The following SLC26A3 variants were observed in gnomAD, a reference collection of about 807,000 sequenced individuals.
SLC26A3 encodes chloride anion exchanger.
SLC26A3 carries 64 observed loss-of-function variants against 85.6 expected under a neutral mutation model. The observed-to-expected ratio is 0.75, with a 90% CI of 0.61 to 0.92. The LOEUF is 0.92. SLC26A3 is among the 40% of genes least tolerant of loss of function. SLC26A3 has a pLI of 0.00. For missense variants in SLC26A3, 922 were observed against 927.3 expected (o/e 0.99, Z 0.07); for synonymous variants, 349 against 336.0 (o/e 1.04, Z -0.42).
intron 6 of SLC26A3, among the ~76,000 whole-genome samples, chr7:107,788,071 C>A (rs1274917757): frequency 2.0e-5 from 3 of 152,262 alleles, no homozygotes; most frequent in African/African-American, 7.2e-5. Context: ...TATCCACTTA[C>A]CCCAAAAAGC....
At chr7:107,770,851 T>C (rs760646159) in intron 18 of SLC26A3, among the ~76,000 whole-genome samples, 1 of 152,150 alleles carries the variant, frequency 6.6e-6, no homozygotes, top group Non-Finnish European at 1.5e-5. Flanking sequence ...GAAACTGAAC[T>C]GCAAAATTAT....
chr7:107,770,771 A>T (rs905847091), intron 18 of SLC26A3, among the ~76,000 whole-genome samples: 1 of 152,170 alleles, frequency 6.6e-6, no homozygotes, highest in Non-Finnish European at 1.5e-5. Context: ...CCTAGGATCT[A>T]GGGAAGAGAC....
chr7:107,768,506 A>G (rs1205679804), intron 18 of SLC26A3, among the ~76,000 whole-genome samples: 3 of 152,256 alleles, frequency 2.0e-5, no homozygotes, highest in Admixed American at 6.5e-5. Flanking sequence ...GTAATAAGAA[A>G]GATCAAAAGA....
At chr7:107,799,340 T>A (rs1205845378) in intron 1 of SLC26A3, among the ~76,000 whole-genome samples, 1 of 152,188 alleles carries the variant, frequency 6.6e-6, no homozygotes, top group Non-Finnish European at 1.5e-5. Flanking sequence ...ATATCTTAAC[T>A]ATGTTTGCTA....
At position 107,767,819 on chromosome 7, in the gene SLC26A3, A is replaced by G; in HGVS notation, c.2152T>C (p.Leu718=). The change falls in exon 19 of 21, where the codon TTG becomes CTG. Residue 718 remains leucine, a synonymous_variant. Transcript: ENST00000340010. ...TAATCTTTCTTCATCAAAATATGCA[A>G]AACAGCATCATGGATTGTTAAGAAA... ...IFFLTIHDAV[L]HILMKKDYST... is the part of the protein sequence containing the mutation. The G allele has an allele frequency of 6.2e-7, 1 of 1,613,822 alleles. No individual in the cohort carries two copies. Among genetic ancestry groups the G allele is most frequent in the Non-Finnish European group, 8.5e-7 (1 of 1,179,772 alleles).
At chr7:107,793,698 G>T in intron 3 of SLC26A3, 44 bp downstream of exon 3, 1 of 1,443,476 alleles carries the variant, frequency 6.9e-7, no homozygotes, top group Non-Finnish European at 9.5e-7. Context: ...ACATTCAGAG[G>T]AAGAATTTTA....
intron 20 of SLC26A3, 55 bp from the exon 21 acceptor site, chr7:107,765,933 T>G: frequency 4.0e-6 from 6 of 1,484,844 alleles, no homozygotes; most frequent in Non-Finnish European, 5.6e-6. Flanking sequence ...TCTGTTACAA[T>G]AATCACATCT....
intron 1 of SLC26A3, among the ~76,000 whole-genome samples, chr7:107,797,500 T>TAAAGAAAAGA (rs112988460): frequency 0.42 from 63,173 of 150,468 alleles, 13,554 homozygotes; most frequent in African/African-American, 0.46. Flanking sequence ...TCTCAAAAAA[T>TAAAGAAAAGA]AAAGAAAAGA....
intron 11 of SLC26A3, among the ~76,000 whole-genome samples, chr7:107,780,601 AAC>A (rs1794201122): frequency 6.6e-6 from 1 of 152,198 alleles, no homozygotes. Flanking sequence ...ATACCATGAA[AAC>A]ACAGTGTACA....
chr7:107,774,626 C>T lies in SLC26A3; in HGVS notation c.1773+151G>A, dbSNP rs1277240755. On this transcript the variant is annotated intron_variant, in intron 16 of 20. Coordinates refer to ENST00000340010, the MANE Select transcript of SLC26A3 (RefSeq NM_000111.3). Reference sequence around the variant, plus strand: ...AGAATAAAAATTTTAGGGAGACCCTCAGAAGGATGTCATTTTAAAATATAA... The same window carrying T: ...AGAATAAAAATTTTAGGGAGACCCTTAGAAGGATGTCATTTTAAAATATAA... The T allele has an allele frequency of 1.0e-5, 7 of 695,788 alleles. No individual in the cohort carries two copies. In the East Asian group the frequency reaches 1.9e-4, roughly 19 times the overall value. 43.1% of individuals were successfully genotyped at this position (695,788 alleles called of 1,614,324 possible).
In SLC26A3 at chr7:107,782,838, C is replaced by A; in HGVS notation, c.1270G>T (p.Val424Phe). Residue 424 changes from valine to phenylalanine, a missense_variant, in exon 11 of 21, where the codon GTC (valine) becomes TTC (phenylalanine). By Grantham distance (50) the Val-to-Phe change is conservative. Coordinates refer to ENST00000340010, the MANE Select transcript of SLC26A3 (RefSeq NM_000111.3). Reference protein sequence around the residue: ...GLIGAIIVLIVVLAIGFLLAP... With the variant: ...GLIGAIIVLIFVLAIGFLLAP... ...AGGAGAAATCCAATGGCTAGAACGA[C>A]AATCAGCACGATGATGGCACCAATA... 6.2e-7 allele frequency: 1 copy of A among 1,614,092 alleles called. No homozygotes were observed. Among genetic ancestry groups the A allele is most frequent in the Non-Finnish European group, 8.5e-7 (1 of 1,179,992 alleles).
At chr7:107,800,136 T>C (rs780051406) in intron 1 of SLC26A3, among the ~76,000 whole-genome samples, 19 of 152,238 alleles carry the variant, frequency 1.2e-4, no homozygotes, top group Non-Finnish European at 2.4e-4. Flanking sequence ...TCCGTATCTC[T>C]GTACACATGA....
At chr7:107,781,058 A>G (rs1390158968) in intron 11 of SLC26A3, among the ~76,000 whole-genome samples, 1 of 152,160 alleles carries the variant, frequency 6.6e-6, no homozygotes, top group Admixed American at 6.5e-5. Context: ...TTTCCCACCT[A>G]GTCAGTATTC....
rs1255835828 is a variant in SLC26A3, at chr7:107,793,685, T to C, written c.271+57A>G. ...GAATATACGAAAAGTCCCTGAGCTG[T>C]ACACATTCAGAGGAAGAATTTTATT... On this transcript the variant is annotated intron_variant, in intron 3 of 20. Coordinates refer to ENST00000340010, the MANE Select transcript of SLC26A3 (RefSeq NM_000111.3). The C allele has an allele frequency of 6.7e-6, 9 of 1,335,646 alleles. No homozygotes were observed. In the Admixed American group the frequency reaches 1.6e-4, roughly 23 times the overall value. 82.7% of individuals were successfully genotyped at this position (1,335,646 alleles called of 1,614,324 possible). A position where few individuals can be genotyped will look rare whatever the true frequency, so the allele number is the denominator to read the frequency against.
intron 2 of SLC26A3, 106 bp downstream of exon 2, chr7:107,794,273 T>C: frequency 1.6e-6 from 2 of 1,279,324 alleles, no homozygotes; most frequent in Non-Finnish European, 2.3e-6. Context: ...GAAAGGACTG[T>C]AGGCTGTGGA....
chr7:107,767,602 C>T lies in SLC26A3; in HGVS notation c.2248G>A (p.Gly750Arg), dbSNP rs1793936042. ...ACCTCATATACCCGATTACGTAATC[C>T]TCCATTTGTATTTATGGTAAAATCA... ...KIDFTINTNG[G>R]LRNRVYEVPV... is the part of the protein sequence containing the mutation. The change falls in exon 20 of 21, where the codon GGA (glycine) becomes AGA (arginine). Residue 750 changes from glycine to arginine, a missense_variant. Physicochemically the swap from Gly to Arg is moderately radical, Grantham distance 125. Transcript: ENST00000340010. 3 of 1,609,592 alleles carry T rather than the reference C, an allele frequency of 1.9e-6. No individual in the cohort carries two copies. The African/African-American group carries it at 4.0e-5, about 21-fold the overall frequency.
chr7:107,775,748 A>G (rs1372312423), intron 15 of SLC26A3, among the ~76,000 whole-genome samples: 5 of 152,116 alleles, frequency 3.3e-5, no homozygotes, highest in Non-Finnish European at 5.9e-5. Flanking sequence ...GACAAAAAAT[A>G]TAGTTAGATG....
At chr7:107,778,505 T>G (rs1181476522) in intron 12 of SLC26A3, among the ~76,000 whole-genome samples, 2 of 151,976 alleles carry the variant, frequency 1.3e-5, no homozygotes, top group Non-Finnish European at 2.9e-5. Flanking sequence ...AAGAGGTCAT[T>G]TCTGCTGGCT....
intron 6 of SLC26A3, among the ~76,000 whole-genome samples, chr7:107,788,784 C>CTTTTTTTTTTTTTTTT (rs71861759): frequency 5.6e-5 from 6 of 108,030 alleles, no homozygotes; most frequent in South Asian, 3.2e-4. Context: ...TTTTTCTTTT[C>CTTTTTTTTTTTTTTTT]TTTTTTTTTT....
Sources: gnomAD v4.1 joint callset for allele counts (sites outside exome capture counted in the v4.1 genomes callset) on GRCh38, gnomAD v4.1.1 for gene constraint, MANE v1.5 for transcripts, NCBI Gene and HGNC (gene_info 2026-07-23, HGNC 2026-07-21) for gene names.